Variants in SOS2 observed in about 807,000 individuals in gnomAD.
SOS2 encodes SOS Ras/Rho guanine nucleotide exchange factor 2.
In SOS2, 65 loss-of-function variants were observed where a neutral mutation model predicts 148.2. The ratio of observed to expected loss-of-function variants is 0.44; its 90% CI spans 0.36 to 0.54. SOS2 has a LOEUF of 0.54. SOS2 is among the 20% of genes least tolerant of loss of function. The probability of loss-of-function intolerance (pLI) is 0.00; values close to 1 mark genes in which losing one functional copy is unlikely to be tolerated. For synonymous variants in SOS2, 539 were observed against 537.1 expected (o/e 1.00, Z -0.05); for missense variants, 1,341 against 1,590.2 (o/e 0.84, Z 2.67).
intron 21 of SOS2, among the ~76,000 whole-genome samples, chr14:50,129,513 T>A (rs1010980529): frequency 3.3e-5 from 5 of 152,126 alleles, no homozygotes; most frequent in Admixed American, 3.3e-4. Context: ...GCCTCCTGAG[T>A]AGCTGGGACT....
chr14:50,137,908 C>T (rs1294343415), intron 18 of SOS2, among the ~76,000 whole-genome samples: 3 of 152,118 alleles, frequency 2.0e-5, no homozygotes, highest in Non-Finnish European at 4.4e-5. Context: ...GGCATGATCT[C>T]GGCTCACTGC....
chr14:50,140,095 C>T (rs753451665), intron 16 of SOS2, 36 bp from the exon 17 acceptor site: 17 of 984,410 alleles, frequency 1.7e-5, no homozygotes, highest in Non-Finnish European at 2.6e-5. Flanking sequence ...AAATTTTTTA[C>T]AATTCAATCA....
chr14:50,210,744 G>A (rs1250288637), intron 1 of SOS2, among the ~76,000 whole-genome samples: 1 of 151,704 alleles, frequency 6.6e-6, no homozygotes, highest in African/African-American at 2.4e-5. Context: ...CCTTAAACTA[G>A]CACTTCACAA....
chr14:50,133,306 G>C (rs1883966222), intron 19 of SOS2, among the ~76,000 whole-genome samples: 2 of 124,930 alleles, frequency 1.6e-5, no homozygotes, highest in African/African-American at 3.0e-5. Context: ...GAGTGAAGTG[G>C]AGTGATCTTG....
At chr14:50,181,203 CT>C (rs1365972274) in intron 6 of SOS2, among the ~76,000 whole-genome samples, 1 of 152,054 alleles carries the variant, frequency 6.6e-6, no homozygotes, top group East Asian at 1.9e-4. Context: ...AATCCCAGCA[CT>C]TTGGGAGGCC....
At chr14:50,180,817 C>G in intron 6 of SOS2, 135 bp from the exon 7 acceptor site, 1 of 486,824 alleles carries the variant, frequency 2.1e-6, no homozygotes, top group Non-Finnish European at 3.6e-6. Context: ...TATTCCAGCT[C>G]GAGCAACAGA....
intron 16 of SOS2, among the ~76,000 whole-genome samples, chr14:50,143,934 C>T (rs1458671426): frequency 1.3e-5 from 2 of 151,166 alleles, no homozygotes; most frequent in African/African-American, 4.9e-5. Context: ...GTTGGGATTA[C>T]AGGTGAGAGC....
At chr14:50,227,239 C>CT (rs1887404619) in intron 1 of SOS2, among the ~76,000 whole-genome samples, 2 of 89,700 alleles carry the variant, frequency 2.2e-5, no homozygotes, top group Non-Finnish European at 4.8e-5. Flanking sequence ...CTTTTTCTTT[C>CT]TTTCTTTCTT....
At chr14:50,199,397 C>A (rs1886411392) in intron 4 of SOS2, among the ~76,000 whole-genome samples, 1 of 152,094 alleles carries the variant, frequency 6.6e-6, no homozygotes, top group African/African-American at 2.4e-5. Context: ...CTGAGTAGAA[C>A]TCTATATATT....
intron 1 of SOS2, among the ~76,000 whole-genome samples, chr14:50,229,723 T>C (rs1338166867): frequency 6.6e-6 from 1 of 152,246 alleles, no homozygotes; most frequent in Non-Finnish European, 1.5e-5. Flanking sequence ...GAACAAGTTA[T>C]GCAACACACA....
rs553395791 is a variant in SOS2 at position 50,188,661 on chromosome 14, C to G, written c.550G>C (p.Val184Leu). 35 of 1,610,408 alleles carry G rather than the reference C, an allele frequency of 2.2e-5. 2 individuals carry two copies. In the South Asian group the frequency reaches 3.5e-4, roughly 16 times the overall value. Residue 184 changes from valine to leucine, a missense_variant, in exon 5 of 23, where the codon GTT (valine) becomes CTT (leucine). Physicochemically the swap from Val to Leu is conservative, Grantham distance 32. Transcript: ENST00000216373. ...CTAGGTTCATCTTCACAGAGAGAAA[C>G]CAAACCTATGTCATCCTGATCAAAC... ...DMFDQDDIGLVSLCEDEPSSS... is the reference protein window; with the variant it reads ...DMFDQDDIGLLSLCEDEPSSS...
At chr14:50,230,678 TGA>T (rs1460075542) in intron 1 of SOS2, among the ~76,000 whole-genome samples, 2 of 152,134 alleles carry the variant, frequency 1.3e-5, no homozygotes, top group African/African-American at 4.8e-5. Context: ...AAATTTACCT[TGA>T]GAACTGTAAA....
intron 6 of SOS2, among the ~76,000 whole-genome samples, chr14:50,181,933 A>G (rs1885753835): frequency 6.6e-6 from 1 of 151,816 alleles, no homozygotes; most frequent in Admixed American, 6.6e-5. Context: ...AAATCCATAG[A>G]AGGTAAAGAG....
In SOS2 at chr14:50,199,855, C is replaced by G; in HGVS notation, c.346G>C (p.Glu116Gln). ...TAGTCCACTTTGTACCCTAATACTT[C>G]CTGTGAAAAGAATAAATAATTTAAT... ...PVDKIHPSLK[E>Q]VLGYKVDYHV... The change falls in exon 4 of 23, where the codon GAA becomes CAA. Residue 116 changes from glutamate to glutamine, a missense_variant and splice_region_variant. By Grantham distance (29) the Glu-to-Gln change is conservative (BLOSUM62 2). This residue lies in a region of SOS2 where 574 missense variants were observed against 711.1 expected (regional missense o/e 0.81). Transcript: ENST00000216373. 6.5e-7 allele frequency: 1 copy of G among 1,547,710 alleles called. No individual in the cohort carries two copies. Among genetic ancestry groups the G allele is most frequent in the Non-Finnish European group, 8.8e-7 (1 of 1,138,254 alleles).
At chr14:50,127,676 C>G (rs1883728172) in intron 21 of SOS2, among the ~76,000 whole-genome samples, 1 of 152,112 alleles carries the variant, frequency 6.6e-6, no homozygotes, top group South Asian at 2.1e-4. Flanking sequence ...CTCTGTATGA[C>G]ATTGGGTCCT....
At chr14:50,202,813 G>A (rs1158177317) in intron 2 of SOS2, among the ~76,000 whole-genome samples, 1 of 151,702 alleles carries the variant, frequency 6.6e-6, no homozygotes, top group Non-Finnish European at 1.5e-5. Flanking sequence ...CAAGAATCCT[G>A]GAAAATCTTA....
chr14:50,140,443 C>A (rs913008633), intron 16 of SOS2, among the ~76,000 whole-genome samples: 9 of 152,116 alleles, frequency 5.9e-5, no homozygotes, highest in African/African-American at 1.7e-4. Context: ...AAGGAGAAGA[C>A]AACTATCAGA....
At position 50,148,628 on chromosome 14, in the gene SOS2, C is replaced by T. The variant is rs561137966; in HGVS notation, c.2384+1380G>A. 3.3e-5 allele frequency among the ~76,000 whole-genome samples: 5 copies of T among 152,204 alleles called. No individual in the cohort carries two copies. In the East Asian group the frequency reaches 5.8e-4, roughly 18 times the overall value. ...TTTCTACGTATCACAAATCCCACAA[C>T]ATAAACAAAGCTACCTGGATTCTAA... On this transcript the variant is annotated intron_variant, in intron 14 of 22. Transcript: ENST00000216373.
Position 50,118,190 on chromosome 14 carries a change from AT to A in SOS2, c.*153del, listed in dbSNP as rs1883355499. On this transcript the variant is annotated 3_prime_UTR_variant, in exon 23 of 23. Transcript: ENST00000216373. ...AATGGTGAAGGACTTTTGTATTTTT[AT>A]TTTTCCAATTCTTAAAAGCTTATTT... is the stretch of plus-strand genomic sequence containing the variant. The A allele has an allele frequency of 1.5e-5, 10 of 675,420 alleles. No individual in the cohort carries two copies. In the East Asian group the frequency reaches 2.8e-4, roughly 19 times the overall value. 41.8% of individuals were successfully genotyped at this position (675,420 alleles called of 1,614,324 possible). A position where few individuals can be genotyped will look rare whatever the true frequency, so the allele number is the denominator to read the frequency against.
Sources: allele counts gnomAD v4.1 joint callset (sites outside exome capture counted in the v4.1 genomes callset), GRCh38; gene constraint gnomAD v4.1.1; regional missense constraint gnomAD v4.1.1; transcripts MANE v1.5; gene names NCBI Gene and HGNC (gene_info 2026-07-23, HGNC 2026-07-21).